DOCK1: variants seen among roughly 807,000 people sequenced by gnomAD.
DOCK1 encodes the protein dedicator of cytokinesis protein 1.
In DOCK1, 138 loss-of-function variants were observed where a neutral mutation model predicts 262.7. That is an observed-to-expected ratio of 0.53 (90% CI 0.46 to 0.61). The LOEUF (loss-of-function observed/expected upper bound fraction) is 0.61, where lower values mean the gene tolerates loss of function less well. Ranked by LOEUF, DOCK1 falls within the 20% of genes least tolerant of loss-of-function variation. The pLI, the probability that DOCK1 is intolerant of heterozygous loss-of-function variation, is 0.00. For synonymous variants in DOCK1, 866 were observed against 867.4 expected (o/e 1.00, Z 0.03); for missense variants, 1,908 against 2,370.7 (o/e 0.80, Z 4.05).
intron 27 of DOCK1, among the ~76,000 whole-genome samples, chr10:127,218,095 T>G (rs1378988896): frequency 4.6e-5 from 7 of 152,208 alleles, no homozygotes; most frequent in African/African-American, 1.7e-4. Context: ...TAAAAAAGTA[T>G]CTTTATGAAA....
intron 29 of DOCK1, among the ~76,000 whole-genome samples, chr10:127,296,472 T>A (rs1242665861): frequency 6.6e-6 from 1 of 152,212 alleles, no homozygotes; most frequent in Non-Finnish European, 1.5e-5. Context: ...TTTGCTCTTC[T>A]CTTTTTACAT....
At chr10:127,231,241 CTT>C (rs3083935) in intron 27 of DOCK1, among the ~76,000 whole-genome samples, 19 of 144,116 alleles carry the variant, frequency 1.3e-4, no homozygotes, top group Admixed American at 4.2e-4. Context: ...GAATCCAAGG[CTT>C]TTTTTTTTTT....
At chr10:127,397,266 C>T (rs1459571154) in intron 38 of DOCK1, among the ~76,000 whole-genome samples, 2 of 99,324 alleles carry the variant, frequency 2.0e-5, no homozygotes, top group African/African-American at 3.8e-5. Context: ...ACACGGGCGG[C>T]GACTCCTATG....
chr10:127,145,839 C>T (rs994981918), intron 27 of DOCK1: 2 of 352,964 alleles, frequency 5.7e-6, no homozygotes, highest in African/African-American at 4.3e-5. Context: ...GTTCTCATCA[C>T]ACACGGAAAC....
At chr10:127,190,748 A>G (rs2056692420) in intron 27 of DOCK1, among the ~76,000 whole-genome samples, 1 of 133,462 alleles carries the variant, frequency 7.5e-6, no homozygotes, top group South Asian at 2.4e-4. Flanking sequence ...GGCCTTGGGT[A>G]GCATCTTTAA....
intron 27 of DOCK1, among the ~76,000 whole-genome samples, chr10:127,212,312 C>T (rs2058017684): frequency 1.3e-5 from 2 of 152,232 alleles, no homozygotes; most frequent in South Asian, 2.1e-4. Context: ...ACCTGGCCAT[C>T]GTGTGACAAC....
chr10:127,125,656 C>A, intron 26 of DOCK1, 55 bp downstream of exon 26: 1 of 1,586,222 alleles, frequency 6.3e-7, no homozygotes. Context: ...CTGCCATTTG[C>A]CTTGCAGTAC....
In DOCK1 at chr10:127,451,457, T is replaced by C; in HGVS notation, c.*30T>C. 6.4e-7 allele frequency: 1 copy of C among 1,555,346 alleles called. No individual in the cohort carries two copies. Among genetic ancestry groups the C allele is most frequent in the Non-Finnish European group, 8.7e-7 (1 of 1,149,688 alleles). On this transcript the variant is annotated 3_prime_UTR_variant, in exon 52 of 52. Coordinates refer to ENST00000623213, the MANE Select transcript of DOCK1 (RefSeq NM_001290223.2). ...GCAAGCCTCTCTGGAAAGAGTGTGC[T>C]GCCCCTCCCCATCTCCATGCCCTCT...
At chr10:127,063,441 A>C (rs1486968082) in intron 23 of DOCK1, among the ~76,000 whole-genome samples, 1 of 152,026 alleles carries the variant, frequency 6.6e-6, no homozygotes, top group Non-Finnish European at 1.5e-5. Flanking sequence ...TGTTTGGTGG[A>C]GCCATTTGGA....
At chr10:127,069,211 C>T (rs571728142) in intron 23 of DOCK1, among the ~76,000 whole-genome samples, 16 of 152,328 alleles carry the variant, frequency 1.1e-4, no homozygotes, top group Admixed American at 8.5e-4. Flanking sequence ...TCCTTCTATG[C>T]TTCTTGTCAT....
At chr10:126,913,589 C>T (rs928372325) in intron 1 of DOCK1, among the ~76,000 whole-genome samples, 1 of 152,148 alleles carries the variant, frequency 6.6e-6, no homozygotes, top group African/African-American at 2.4e-5. Context: ...TAAATGACAC[C>T]GGGCTTCTTG....
intron 21 of DOCK1, among the ~76,000 whole-genome samples, chr10:127,043,370 T>G (rs1350463565): frequency 6.6e-6 from 1 of 152,228 alleles, no homozygotes; most frequent in Non-Finnish European, 1.5e-5. Context: ...ATCGTAATAT[T>G]CTGGAATAAA....
chr10:127,061,557 C>G (rs866076949), intron 22 of DOCK1, 111 bp from the exon 23 acceptor site: 2 of 876,118 alleles, frequency 2.3e-6, no homozygotes, highest in Non-Finnish European at 3.6e-6. Context: ...AGGATGTGGT[C>G]TCTCATTCTA....
intron 38 of DOCK1, chr10:127,402,820 A>G (rs1347868151): frequency 4.7e-6 from 3 of 633,616 alleles, no homozygotes; most frequent in Non-Finnish European, 8.9e-6. Context: ...CCATGGCCAG[A>G]GGCCTGCGTG....
At chr10:127,126,786 T>G (rs778359006) in intron 26 of DOCK1, among the ~76,000 whole-genome samples, 5 of 152,164 alleles carry the variant, frequency 3.3e-5, no homozygotes, top group African/African-American at 7.2e-5. Flanking sequence ...GGCTTGTCCC[T>G]GGCCGTTTCC....
rs571232520 is a variant in DOCK1 at position 127,228,412 on chromosome 10, C to T, written c.2848-19596C>T. ...CTGCTGGGTGGTGACCAGCAGAGAGCACTGAGCGGACTGTTCTTTCCAATG... is the reference window on the plus strand; with the variant it reads ...CTGCTGGGTGGTGACCAGCAGAGAGTACTGAGCGGACTGTTCTTTCCAATG... On this transcript the variant is annotated intron_variant, in intron 27 of 51. Coordinates refer to ENST00000623213, the MANE Select transcript of DOCK1 (RefSeq NM_001290223.2). Among the ~76,000 whole-genome samples, 5 of 152,332 alleles carry T rather than the reference C, an allele frequency of 3.3e-5. No homozygotes were observed. The East Asian group carries it at 5.8e-4, about 18-fold the overall frequency.
intron 27 of DOCK1, among the ~76,000 whole-genome samples, chr10:127,238,928 T>C (rs2059166823): frequency 6.6e-6 from 1 of 152,232 alleles, no homozygotes; most frequent in Non-Finnish European, 1.5e-5. Context: ...CCTCCATTTC[T>C]CATGACCCAT....
chr10:127,396,754 CAA>C (rs372642343), intron 38 of DOCK1, among the ~76,000 whole-genome samples: 21,729 of 134,092 alleles, frequency 0.16, 1,575 homozygotes, highest in Middle Eastern at 0.21. Flanking sequence ...ATCTCTGTTA[CAA>C]AAAAAAAAAA....
rs768124894 is a variant in DOCK1 at position 127,125,526 on chromosome 10, G to A, written c.2676G>A (p.Leu892=). 6 of 1,613,878 alleles carry A rather than the reference G, an allele frequency of 3.7e-6. No individual in the cohort carries two copies. In the South Asian group the frequency reaches 5.5e-5, roughly 15 times the overall value. The change falls in exon 26 of 52, where the codon CTG becomes CTA. Residue 892 remains leucine (L), a synonymous_variant. Coordinates refer to ENST00000623213, the MANE Select transcript of DOCK1 (RefSeq NM_001290223.2). The part of the protein sequence containing the change: ...PMMTDQLKYH[L]ERQEDLEACC... ...TGACCGATCAGCTCAAGTACCATCT[G>A]GAGAGACAGGAGGACCTGGAGGCCT...
Sources: allele counts gnomAD v4.1 joint callset (sites outside exome capture counted in the v4.1 genomes callset), GRCh38; gene constraint gnomAD v4.1.1; transcripts MANE v1.5; gene names NCBI Gene and HGNC (gene_info 2026-07-23, HGNC 2026-07-21).